The following INPP5F variants were observed in gnomAD, a reference collection of about 807,000 sequenced individuals.
INPP5F encodes inositol polyphosphate-5-phosphatase F.
In INPP5F, 97 loss-of-function variants were observed where a neutral mutation model predicts 137.2. That is an observed-to-expected ratio of 0.71 (90% confidence interval 0.60 to 0.84). INPP5F has a LOEUF of 0.84. Among genes scored for constraint, INPP5F ranks in the 40% least tolerant of loss-of-function variants. The pLI, the probability that INPP5F is intolerant of heterozygous loss-of-function variation, is 0.00. For synonymous variants in INPP5F, 504 were observed against 476.9 expected (o/e 1.06, Z -0.74); for missense variants, 1,271 against 1,371.9 (o/e 0.93, Z 1.16).
Position 119,809,226 on chromosome 10 carries a change from CAAAA to C in INPP5F, c.1570-856_1570-853del, listed in dbSNP as rs71019722. ...TGGGCGACAGAGCGAGACTCTGTCT[CAAAA>C]AAAAAAAAAAAAAAAAAGCCTGGTT... On this transcript the variant is annotated intron_variant, in intron 13 of 19. Coordinates refer to ENST00000650623, the MANE Select transcript of INPP5F (RefSeq NM_014937.4). Among the ~76,000 whole-genome samples the C allele has an allele frequency of 4.2e-3, 246 of 58,850 alleles. 1 individual carries two copies. The highest frequency in any genetic ancestry group is 0.015 in the African/African-American group (230 of 15,428). 38.6% of individuals were successfully genotyped at this position (58,850 alleles called of 152,430 possible). A position where few individuals can be genotyped will look rare whatever the true frequency, so the allele number is the denominator to read the frequency against.
chr10:119,808,007 G>A lies in INPP5F; in HGVS notation c.1516G>A (p.Ala506Thr), dbSNP rs1850862200. 1 of 1,613,820 alleles carries A rather than the reference G, an allele frequency of 6.2e-7. No individual in the cohort carries two copies. ...KCNRIYQIMW[A>T]NNGDSISRQY... ...TAATCGCATCTACCAGATAATGTGG[G>A]CCAATAATGGTGACTCCATTAGCAG... The change falls in exon 13 of 20, where the codon GCC becomes ACC. Residue 506 changes from alanine to threonine, a missense_variant. Coordinates refer to ENST00000650623, the MANE Select transcript of INPP5F (RefSeq NM_014937.4).
At chr10:119,781,019 C>G (rs1439673760) in intron 2 of INPP5F, among the ~76,000 whole-genome samples, 1 of 152,148 alleles carries the variant, frequency 6.6e-6, no homozygotes, top group Non-Finnish European at 1.5e-5. Flanking sequence ...TCCAGGAATC[C>G]TTCCTTATTA....
intron 2 of INPP5F, among the ~76,000 whole-genome samples, chr10:119,760,164 A>G (rs989045498): frequency 6.6e-6 from 1 of 152,226 alleles, no homozygotes. Flanking sequence ...AGCGTGCCTC[A>G]TGCTATTCCA....
At chr10:119,766,697 G>T (rs905174812) in intron 2 of INPP5F, among the ~76,000 whole-genome samples, 6 of 152,184 alleles carry the variant, frequency 3.9e-5, no homozygotes, top group African/African-American at 1.4e-4. Context: ...ACAATGGAAT[G>T]ACATCGTCAA....
intron 3 of INPP5F, among the ~76,000 whole-genome samples, chr10:119,784,652 A>T (rs1234827697): frequency 1.3e-5 from 2 of 152,210 alleles, no homozygotes; most frequent in Non-Finnish European, 2.9e-5. Flanking sequence ...TTGTCTTTTT[A>T]TCGCAAATAT....
chr10:119,750,874 C>G (rs990487042), intron 1 of INPP5F, among the ~76,000 whole-genome samples: 1 of 152,108 alleles, frequency 6.6e-6, no homozygotes, highest in East Asian at 1.9e-4. Flanking sequence ...CTTAACTGTC[C>G]GAAGCCTTAT....
chr10:119,792,023 C>T lies in INPP5F; in HGVS notation c.599C>T (p.Pro200Leu). 6.2e-7 allele frequency: 1 copy of T among 1,614,172 alleles called. No homozygotes were observed. ...RQSTGERDGR[P>L]LWQKVDDRFF... ...AGCACTGGGGAGAGGGACGGTCGGC[C>T]CCTCTGGCAGAAGGTACCACTCACA... Residue 200 changes from proline to leucine, a missense_variant, in exon 5 of 20, where the codon CCC becomes CTC. This residue lies in a region of INPP5F where 593 missense variants were observed against 712.4 expected (regional missense o/e 0.83). Transcript: ENST00000650623.
At position 119,809,827 on chromosome 10, in the gene INPP5F, C is replaced by T. The variant is rs141920820; in HGVS notation, c.1570-273C>T. Reference sequence around the variant, plus strand: ...TATAATTTGTTTTGACCTGTAAATTCTAGAAATTCTACAAATTGCCAAGAA... The same window carrying T: ...TATAATTTGTTTTGACCTGTAAATTTTAGAAATTCTACAAATTGCCAAGAA... On this transcript the variant is annotated intron_variant, in intron 13 of 19. Coordinates refer to ENST00000650623, the MANE Select transcript of INPP5F (RefSeq NM_014937.4). Among the ~76,000 whole-genome samples the T allele has an allele frequency of 2.6e-3, 397 of 152,274 alleles. 1 individual carries two copies. Among genetic ancestry groups the T allele is most frequent in the African/African-American group, 8.7e-3 (361 of 41,538 alleles).
At chr10:119,796,240 T>C (rs1316466831) in intron 6 of INPP5F, among the ~76,000 whole-genome samples, 2 of 152,192 alleles carry the variant, frequency 1.3e-5, no homozygotes, top group Non-Finnish European at 2.9e-5. Flanking sequence ...AGCCGACCTA[T>C]GTGTTTTATA....
At chr10:119,774,427 A>AT (rs1229595687) in intron 2 of INPP5F, among the ~76,000 whole-genome samples, 1 of 151,896 alleles carries the variant, frequency 6.6e-6, no homozygotes, top group East Asian at 1.9e-4. Flanking sequence ...TATGCTCTAA[A>AT]TGAAAGTTCT....
chr10:119,827,008 C>T lies in INPP5F; in HGVS notation c.2627C>T (p.Ala876Val), dbSNP rs137929196. ...NSKSDEDRQLANSLESVGPID... is the reference protein window; with the variant it reads ...NSKSDEDRQLVNSLESVGPID... ...AAGTCTGATGAAGACAGGCAGCTAG[C>T]TAACTCATTAGAGAGTGTAGGGCCA... The change falls in exon 20 of 20, where the codon GCT becomes GTT. Residue 876 changes from alanine (A) to valine (V), a missense_variant. Around this residue, in one of 6 missense-constraint regions of INPP5F, gnomAD observed 490 missense variants for 443.7 expected, o/e 1.10. Coordinates refer to ENST00000650623, the MANE Select transcript of INPP5F (RefSeq NM_014937.4). The T allele has an allele frequency of 1.5e-4, 249 of 1,614,124 alleles. 2 individuals carry two copies. The East Asian group carries it at 5.3e-3, about 34-fold the overall frequency.
At chr10:119,823,237 T>A in intron 18 of INPP5F, 38 bp downstream of exon 18, 1 of 1,595,614 alleles carries the variant, frequency 6.3e-7, no homozygotes, top group Non-Finnish European at 8.5e-7. Context: ...CAGTGAAAAC[T>A]TTCTATTTAT....
At chr10:119,776,178 C>T (rs1166541637) in intron 2 of INPP5F, among the ~76,000 whole-genome samples, 1 of 152,126 alleles carries the variant, frequency 6.6e-6, no homozygotes, top group Admixed American at 6.5e-5. Flanking sequence ...TTGAAGCCTC[C>T]TTGAAAAAGG....
At chr10:119,755,343 G>T (rs1008406272) in intron 2 of INPP5F, among the ~76,000 whole-genome samples, 2 of 152,164 alleles carry the variant, frequency 1.3e-5, no homozygotes, top group Non-Finnish European at 2.9e-5. Flanking sequence ...CCATCCCCTT[G>T]TGTCTTCACG....
intron 1 of INPP5F, among the ~76,000 whole-genome samples, chr10:119,742,127 C>T (rs1051373805): frequency 2.0e-5 from 3 of 148,698 alleles, no homozygotes; most frequent in Non-Finnish European, 3.0e-5. Flanking sequence ...CCCGGCCCGA[C>T]GACAGCTTTT....
At chr10:119,734,233 T>A (rs535161617) in intron 1 of INPP5F, among the ~76,000 whole-genome samples, 129 of 152,282 alleles carry the variant, frequency 8.5e-4, no homozygotes, top group Middle Eastern at 6.8e-3. Context: ...CTAATTTTAG[T>A]CCTTGTGATG....
rs186459403 is a variant in INPP5F at position 119,779,966 on chromosome 10, G to A, written c.179-1669G>A. Among the ~76,000 whole-genome samples, 8 of 152,150 alleles carry A rather than the reference G, an allele frequency of 5.3e-5. No homozygotes were observed. In the East Asian group the frequency reaches 1.5e-3, roughly 29 times the overall value. On this transcript the variant is annotated intron_variant, in intron 2 of 19. Coordinates refer to ENST00000650623, the MANE Select transcript of INPP5F (RefSeq NM_014937.4). ...ATAGCAAATATGTAAACCAGTAACA[G>A]TCATTTATTATTATCAAGTCTTATG...
At chr10:119,806,754 T>G (rs1285710968) in intron 12 of INPP5F, among the ~76,000 whole-genome samples, 3 of 151,932 alleles carry the variant, frequency 2.0e-5, no homozygotes, top group Non-Finnish European at 4.4e-5. Flanking sequence ...ACCTTTTCCC[T>G]CTCACCTCCA....
At chr10:119,818,825 C>T (rs1005004070) in intron 15 of INPP5F, 15 of 152,302 alleles carry the variant, frequency 9.8e-5, no homozygotes, top group Non-Finnish European at 2.1e-4. Flanking sequence ...GCCGCGCTCT[C>T]ACAGGCCTCC....
Sources: gnomAD v4.1 joint callset for allele counts (sites outside exome capture counted in the v4.1 genomes callset) on GRCh38, gnomAD v4.1.1 for gene constraint, gnomAD v4.1.1 regional missense constraint, MANE v1.5 for transcripts, NCBI Gene and HGNC (gene_info 2026-07-23, HGNC 2026-07-21) for gene names.